EEFSEC: variants seen among roughly 807,000 people sequenced by gnomAD.
EEFSEC encodes eukaryotic elongation factor, selenocysteine-tRNA specific, also known as selenocysteine-specific elongation factor.
Under a neutral mutation model 42.1 loss-of-function variants are expected in EEFSEC, and 43 were observed. That is an observed-to-expected ratio of 1.02 (90% CI 0.80 to 1.32). EEFSEC has a LOEUF of 1.32. Ranked by LOEUF, EEFSEC falls within the 40% of genes most tolerant of loss-of-function variation. The pLI is 0.00. For synonymous variants in EEFSEC, 354 were observed against 339.1 expected (o/e 1.04, Z -0.48); for missense variants, 745 against 803.6 (o/e 0.93, Z 0.88).
At chr3:128,170,161 G>A (rs978637245) in intron 1 of EEFSEC, among the ~76,000 whole-genome samples, 1 of 152,108 alleles carries the variant, frequency 6.6e-6, no homozygotes, top group African/African-American at 2.4e-5. Flanking sequence ...CGCCTGGCCC[G>A]AGGTTCCTGT....
At chr3:128,298,938 A>G (rs2066737574) in intron 4 of EEFSEC, among the ~76,000 whole-genome samples, 1 of 152,214 alleles carries the variant, frequency 6.6e-6, no homozygotes, top group Non-Finnish European at 1.5e-5. Flanking sequence ...CATTGAGTAC[A>G]TATAGCACAT....
intron 4 of EEFSEC, among the ~76,000 whole-genome samples, chr3:128,323,176 C>T (rs2067026460): frequency 6.6e-6 from 1 of 152,164 alleles, no homozygotes; most frequent in African/African-American, 2.4e-5. Flanking sequence ...AGTTCACATA[C>T]TTAGTTAGCT....
the EEFSEC span, among the ~76,000 whole-genome samples, chr3:128,418,199 C>A: frequency 3.6e-4 from 55 of 152,126 alleles, no homozygotes; most frequent in African/African-American, 1.3e-3. Flanking sequence ...AGCACCCCCT[C>A]CTCACCTGTC....
chr3:128,303,615 C>G (rs867166902), intron 4 of EEFSEC, among the ~76,000 whole-genome samples: 1 of 152,154 alleles, frequency 6.6e-6, no homozygotes, highest in South Asian at 2.1e-4. Flanking sequence ...GAAATGAGCT[C>G]TGTGTCAGTT....
chr3:128,188,603 T>C (rs974302262), intron 1 of EEFSEC, among the ~76,000 whole-genome samples: 1 of 152,228 alleles, frequency 6.6e-6, no homozygotes, highest in Non-Finnish European at 1.5e-5. Flanking sequence ...GCATAGCTAA[T>C]GTGTTCCACT....
intron 1 of EEFSEC, among the ~76,000 whole-genome samples, chr3:128,243,043 G>A (rs1022296024): frequency 6.6e-6 from 1 of 152,200 alleles, no homozygotes; most frequent in Non-Finnish European, 1.5e-5. Flanking sequence ...AAAGTTTGAT[G>A]AAGAAAAGAA....
intron 5 of EEFSEC, among the ~76,000 whole-genome samples, chr3:128,343,442 T>C (rs2067277902): frequency 1.3e-5 from 2 of 152,118 alleles, no homozygotes; most frequent in South Asian, 4.1e-4. Flanking sequence ...ACCCAGAGCT[T>C]GGACCCTTAG....
intron 2 of EEFSEC, among the ~76,000 whole-genome samples, chr3:128,258,236 T>C (rs1474444949): frequency 6.6e-6 from 1 of 152,130 alleles, no homozygotes; most frequent in East Asian, 1.9e-4. Flanking sequence ...GGCTCAATCT[T>C]CTGCTTTTGT....
chr3:128,402,825 G>T (rs780070962), intron 6 of EEFSEC, among the ~76,000 whole-genome samples: 27 of 152,136 alleles, frequency 1.8e-4, no homozygotes, highest in Middle Eastern at 3.2e-3. Context: ...CCCCAGCAGG[G>T]TCTCCTCCAA....
intron 2 of EEFSEC, among the ~76,000 whole-genome samples, chr3:128,261,768 A>G (rs1231066328): frequency 6.6e-6 from 1 of 152,208 alleles, no homozygotes; most frequent in Non-Finnish European, 1.5e-5. Context: ...GCATCTCTTC[A>G]GAAGGCTGAG....
chr3:128,282,838 C>A (rs1285637301), intron 4 of EEFSEC, among the ~76,000 whole-genome samples: 2 of 152,240 alleles, frequency 1.3e-5, no homozygotes, highest in Non-Finnish European at 2.9e-5. Context: ...GCTTCCTTCT[C>A]TGTGACTGAT....
chr3:128,305,912 T>C (rs960284086), intron 4 of EEFSEC, among the ~76,000 whole-genome samples: 2 of 152,212 alleles, frequency 1.3e-5, no homozygotes, highest in African/African-American at 4.8e-5. Flanking sequence ...GTTGTGAATG[T>C]CCTTTGAGCT....
At chr3:128,381,824 A>C (rs1032542406) in intron 6 of EEFSEC, among the ~76,000 whole-genome samples, 9 of 152,196 alleles carry the variant, frequency 5.9e-5, no homozygotes, top group Non-Finnish European at 1.3e-4. Context: ...CAGAGTCTAC[A>C]GGGTAGCAGG....
rs5852540 is a variant in EEFSEC at position 128,339,087 on chromosome 3, C to CT, written c.787-2145dup. Reference sequence around the variant, plus strand: ...TGTAAGGTGATATTCTCCAGTGACTCTGAGTAATGTTCCCAAAAATCTCAT... The same window carrying CT: ...TGTAAGGTGATATTCTCCAGTGACTCTTGAGTAATGTTCCCAAAAATCTCAT... On this transcript the variant is annotated intron_variant, in intron 4 of 6. Coordinates refer to ENST00000254730, the MANE Select transcript of EEFSEC (RefSeq NM_021937.5). Among the ~76,000 whole-genome samples the CT allele has an allele frequency of 9.1e-3, 1,392 of 152,320 alleles. 78 individuals carry two copies. The highest frequency in any genetic ancestry group is 0.077 in the Admixed American group (1,184 of 15,302).
At chr3:128,381,590 C>T (rs1260279073) in intron 6 of EEFSEC, among the ~76,000 whole-genome samples, 9 of 152,226 alleles carry the variant, frequency 5.9e-5, no homozygotes, top group Non-Finnish European at 7.3e-5. Flanking sequence ...TGCCAACCCT[C>T]AGCTCAGGCT....
chr3:128,331,320 A>T, intron 4 of EEFSEC, among the ~76,000 whole-genome samples: 1 of 21,426 alleles, frequency 4.7e-5, no homozygotes, highest in Non-Finnish European at 8.2e-5. Flanking sequence ...CCCCTTCCTC[A>T]ATGCATCTCC....
At chr3:128,407,921 A>C in intron 6 of EEFSEC, 148 bp from the exon 7 acceptor site, 1 of 726,490 alleles carries the variant, frequency 1.4e-6, no homozygotes, top group Non-Finnish European at 2.1e-6. Context: ...GGAGGGACCA[A>C]AATGTCAGAA....
rs1284222306 is a variant in EEFSEC at position 128,358,232 on chromosome 3, AGT to A, written c.1463_1464del (p.Val488AspfsTer113). 3.1e-6 allele frequency: 5 copies of A among 1,614,120 alleles called. No individual in the cohort carries two copies. The East Asian group carries it at 1.1e-4, about 36-fold the overall frequency. Reference protein sequence around the residue: ...GLVERAMDDYSVIGRSLFKKE... With the variant: ...GLVERAMDDYXVIGRSLFKKE... Reference sequence around the variant, plus strand: ...GTGGGGACAGGCGATGGATGACTACAGTGTGATCGGCCGCTCCCTGTTCAAAA... The same window carrying A: ...GTGGGGACAGGCGATGGATGACTACAGTGATCGGCCGCTCCCTGTTCAAAA... On this transcript the variant is annotated frameshift_variant, in exon 6 of 7. Coordinates refer to ENST00000254730, the MANE Select transcript of EEFSEC (RefSeq NM_021937.5). LOFTEE classifies it high-confidence loss of function.
chr3:128,257,145 G>T (rs992400284), intron 2 of EEFSEC, among the ~76,000 whole-genome samples: 1 of 152,194 alleles, frequency 6.6e-6, no homozygotes, highest in Admixed American at 6.5e-5. Context: ...CAGCAACTGT[G>T]ATCATTCTGG....
Sources: gnomAD v4.1 joint callset for allele counts (sites outside exome capture counted in the v4.1 genomes callset) on GRCh38, gnomAD v4.1.1 for gene constraint, MANE v1.5 for transcripts, NCBI Gene and HGNC (gene_info 2026-07-23, HGNC 2026-07-21) for gene names.